SYT6: variants seen among roughly 807,000 people sequenced by gnomAD.
The protein encoded by SYT6 is synaptotagmin 6, also known as synaptotagmin-6.
In SYT6, 24 loss-of-function variants were observed where a neutral mutation model predicts 38.4. The observed-to-expected ratio is 0.62, with a 90% CI of 0.45 to 0.88. The LOEUF (loss-of-function observed/expected upper bound fraction) is 0.88. SYT6 is among the 40% of genes least tolerant of loss of function. The pLI is 0.00. For synonymous variants in SYT6, 265 were observed against 241.9 expected, an observed-to-expected ratio of 1.10 and a Z score of -0.89; for missense variants, 611 against 621.0, an observed-to-expected ratio of 0.98 and a Z score of 0.17.
At chr1:114,102,040 C>T (rs561438116) in intron 4 of SYT6, among the ~76,000 whole-genome samples, 5 of 152,130 alleles carry the variant, frequency 3.3e-5, no homozygotes, top group Non-Finnish European at 1.5e-5. Flanking sequence ...CACCCCAAAC[C>T]CTCTGATTCA....
Position 114,149,223 on chromosome 1 carries a change from G to GTGTGTGTGTGTGTGTGCGCGCA in SYT6, c.163+4386_163+4387insTGCGCGCACACACACACACACA, listed in dbSNP as rs1553185744. Among the ~76,000 whole-genome samples, 34 of 133,356 alleles carry GTGTGTGTGTGTGTGTGCGCGCA rather than the reference G, an allele frequency of 2.5e-4. No individual in the cohort carries two copies. The South Asian group carries it at 3.7e-3, about 14-fold the overall frequency. 87.5% of individuals were successfully genotyped at this position (133,356 alleles called of 152,430 possible). A position where few individuals can be genotyped will look rare whatever the true frequency, so the allele number is the denominator to read the frequency against. On this transcript the variant is annotated intron_variant, in intron 1 of 7. Coordinates refer to ENST00000610222, the MANE Select transcript of SYT6 (RefSeq NM_001253772.2). ...AGAGAGAGAGAGAGAGAGATTGTGT[G>GTGTGTGTGTGTGTGTGCGCGCA]TGTGTGTGTGTGTGTGTTGGGAGAA...
chr1:114,140,809 T>C (rs192127601), intron 1 of SYT6, among the ~76,000 whole-genome samples: 330 of 152,366 alleles, frequency 2.2e-3, no homozygotes, highest in African/African-American at 7.6e-3. Flanking sequence ...CAACAGCATG[T>C]GCACATTTTG....
In SYT6 at chr1:114,153,860, T is replaced by C. The variant is rs1198640052; in HGVS notation, c.-88A>G. The C allele has an allele frequency of 9.0e-6, 5 of 553,374 alleles. No individual in the cohort carries two copies. The highest frequency in any genetic ancestry group is 1.3e-5 in the Non-Finnish European group (4 of 318,944). The allele number at this position is 553,374 out of a possible 1,614,324, so 34.3% of individuals were successfully genotyped here. A position where few individuals can be genotyped will look rare whatever the true frequency, so the allele number is the denominator to read the frequency against. On this transcript the variant is annotated 5_prime_UTR_variant, in exon 1 of 8. Transcript: ENST00000610222. Reference sequence around the variant, plus strand: ...GGGCACGACGGCCCCAAGAAGACCCTCCCTGCAGCGGCCCCCTGCGGCTCC... The same window carrying C: ...GGGCACGACGGCCCCAAGAAGACCCCCCCTGCAGCGGCCCCCTGCGGCTCC...
chr1:114,139,881 C>T lies in SYT6; in HGVS notation c.246G>A (p.Lys82=). 1.3e-6 allele frequency: 2 copies of T among 1,546,506 alleles called. No homozygotes were observed. The highest frequency in any genetic ancestry group is 1.7e-6 in the Non-Finnish European group (2 of 1,149,828). The change falls in exon 2 of 8, where the codon AAG becomes AAA. Residue 82 remains lysine (K), a synonymous_variant. Coordinates refer to ENST00000610222, the MANE Select transcript of SYT6 (RefSeq NM_001253772.2). ...TGTTCCTCCAGGGCATCCAGCACAG[C>T]TTCCAAAAGAGAAAGAGAAAAACTG... is the stretch of plus-strand genomic sequence containing the variant. The part of the protein sequence containing the change: ...LVAVFLFLFW[K]LCWMPWRNKE...
intron 1 of SYT6, among the ~76,000 whole-genome samples, chr1:114,141,632 C>T (rs1322417942): frequency 6.6e-6 from 1 of 152,194 alleles, no homozygotes; most frequent in African/African-American, 2.4e-5. Flanking sequence ...CTACACTAAA[C>T]AACACATTTT....
intron 3 of SYT6, among the ~76,000 whole-genome samples, chr1:114,123,987 T>G (rs1677571734): frequency 9.4e-6 from 1 of 105,886 alleles, no homozygotes; most frequent in Non-Finnish European, 2.0e-5. Context: ...TGGGGCCTCC[T>G]TCTCATTTTG....
chr1:114,140,377 G>A (rs1678797593), intron 1 of SYT6, among the ~76,000 whole-genome samples: 1 of 152,148 alleles, frequency 6.6e-6, no homozygotes, highest in African/African-American at 2.4e-5. Context: ...TTCTATTAAA[G>A]CTGCTACTAT....
intron 1 of SYT6, among the ~76,000 whole-genome samples, chr1:114,150,560 C>A (rs537545659): frequency 3.3e-5 from 5 of 152,306 alleles, no homozygotes; most frequent in Admixed American, 2.6e-4. Context: ...CTTGAGGTCT[C>A]CTGTCAGGTT....
At position 114,095,429 on chromosome 1, in the gene SYT6, C is replaced by G. The variant is rs745674999; in HGVS notation, c.1516-1626G>C. On this transcript the variant is annotated intron_variant, in intron 6 of 7. Coordinates refer to ENST00000610222, the MANE Select transcript of SYT6 (RefSeq NM_001253772.2). ...ATCTGTGGTACTCAACACCCCACCC[C>G]CAGCTGTAGCCGCTGCTCTGTCACT... Among the ~76,000 whole-genome samples, 7 of 152,334 alleles carry G rather than the reference C, an allele frequency of 4.6e-5. No homozygotes were observed. The South Asian group carries it at 1.2e-3, about 27-fold the overall frequency.
intron 3 of SYT6, among the ~76,000 whole-genome samples, chr1:114,122,506 T>TGTGTGTGTGCGC (rs60780339): frequency 1.4e-4 from 20 of 147,410 alleles, no homozygotes; most frequent in Middle Eastern, 7.0e-3. Context: ...TGTGTGTGTG[T>TGTGTGTGTGCGC]GCGCGCACAT....
At position 114,090,862 on chromosome 1, in the gene SYT6, T is replaced by C. The variant is rs1295509852; in HGVS notation, c.*1272A>G. The C allele has an allele frequency of 2.6e-5, 4 of 152,754 alleles. No individual in the cohort carries two copies. The highest frequency in any genetic ancestry group is 9.7e-5 in the African/African-American group (4 of 41,448). 9.5% of individuals were successfully genotyped at this position (152,754 alleles called of 1,614,324 possible). ...CAATTTTTTTTTTCCTAAACTGAGT[T>C]TGGCCTAAGGTAAAGATCTAAAGGA... On this transcript the variant is annotated 3_prime_UTR_variant, in exon 8 of 8. Transcript: ENST00000610222.
chr1:114,108,368 G>C (rs1429185197), intron 3 of SYT6, among the ~76,000 whole-genome samples: 1 of 152,198 alleles, frequency 6.6e-6, no homozygotes, highest in Non-Finnish European at 1.5e-5. Context: ...CCTGGGCATA[G>C]AAAAAGAGAT....
intron 1 of SYT6, among the ~76,000 whole-genome samples, chr1:114,141,695 A>G (rs1196924630): frequency 6.6e-6 from 1 of 152,234 alleles, no homozygotes; most frequent in Non-Finnish European, 1.5e-5. Context: ...TAGGGCTTTC[A>G]TAGCTAGAAA....
At chr1:114,138,179 T>A in intron 2 of SYT6, 126 bp from the exon 3 acceptor site, 4 of 903,274 alleles carry the variant, frequency 4.4e-6, no homozygotes, top group Non-Finnish European at 6.5e-6. Flanking sequence ...TTCCTTCCTC[T>A]TCTTGACCCC....
chr1:114,115,319 T>C (rs1676928058), intron 3 of SYT6, among the ~76,000 whole-genome samples: 1 of 152,240 alleles, frequency 6.6e-6, no homozygotes, highest in Non-Finnish European at 1.5e-5. Flanking sequence ...TCCACTTCTT[T>C]GAATCTATTT....
At chr1:114,111,604 C>T (rs927407441) in intron 3 of SYT6, among the ~76,000 whole-genome samples, 1 of 152,230 alleles carries the variant, frequency 6.6e-6, no homozygotes, top group Non-Finnish European at 1.5e-5. Flanking sequence ...GTCCTGTCAC[C>T]CCCTCTTGGG....
chr1:114,099,058 G>C (rs749660554), intron 5 of SYT6, 36 bp downstream of exon 5: 2 of 1,581,168 alleles, frequency 1.3e-6, no homozygotes, highest in Non-Finnish European at 1.7e-6. Context: ...GTGGGAGTGA[G>C]GGGTAGAATT....
In SYT6 at chr1:114,091,528, T is replaced by G. The variant is rs1224527885; in HGVS notation, c.*606A>C. 6.5e-6 allele frequency: 1 copy of G among 152,846 alleles called. No homozygotes were observed. The highest frequency in any genetic ancestry group is 1.5e-5 in the Non-Finnish European group (1 of 68,464). The allele number at this position is 152,846 out of a possible 1,614,324, so 9.5% of individuals were successfully genotyped here. A position where few individuals can be genotyped will look rare whatever the true frequency, so the allele number is the denominator to read the frequency against. On this transcript the variant is annotated 3_prime_UTR_variant, in exon 8 of 8. Coordinates refer to ENST00000610222, the MANE Select transcript of SYT6 (RefSeq NM_001253772.2). ...GCCAGCGAAGAGCTTCAAAGACTAG[T>G]AATTCACCTCACAAAGGCTCTTCCA... is the stretch of plus-strand genomic sequence containing the variant.
At chr1:114,129,112 A>G (rs1677928640) in intron 3 of SYT6, among the ~76,000 whole-genome samples, 1 of 152,194 alleles carries the variant, frequency 6.6e-6, no homozygotes, top group Admixed American at 6.5e-5. Flanking sequence ...CCAACTCAGC[A>G]TCCCAAGTTG....
Sources: gnomAD v4.1 joint callset for allele counts (sites outside exome capture counted in the v4.1 genomes callset) on GRCh38, gnomAD v4.1.1 for gene constraint, MANE v1.5 for transcripts, NCBI Gene and HGNC (gene_info 2026-07-23, HGNC 2026-07-21) for gene names.